OXR1: variants seen among roughly 807,000 people sequenced by gnomAD.
OXR1 encodes oxidation resistance 1.
A neutral mutation model predicts 104.6 loss-of-function variants in OXR1; 41 were observed. The observed-to-expected ratio is 0.39, with a 90% CI of 0.31 to 0.51. The LOEUF (loss-of-function observed/expected upper bound fraction) is 0.51, where lower values mean the gene tolerates loss of function less well. OXR1 is among the 20% of genes least tolerant of loss of function. The pLI is 0.77. For missense variants in OXR1, 955 were observed against 1,031.9 expected (o/e 0.93, Z 1.02); for synonymous variants, 348 against 348.4 (o/e 1.00, Z 0.01).
At chr8:106,700,764 A>C (rs1830518324) in intron 7 of OXR1, among the ~76,000 whole-genome samples, 2 of 152,202 alleles carry the variant, frequency 1.3e-5, no homozygotes, top group Non-Finnish European at 2.9e-5. Context: ...CTAAAAGATA[A>C]AATGTAGTAT....
chr8:106,707,030 C>T lies in OXR1; in HGVS notation c.1509C>T (p.Arg503=), dbSNP rs1831206667. Residue 503 remains arginine, a synonymous_variant, in exon 9 of 17, where the codon CGC becomes CGT. Coordinates refer to ENST00000517566, the MANE Select transcript of OXR1 (RefSeq NM_001198533.2). ...CACAGACAGAGGCAGAAGAGCTACG[C>T]AAACTTTGGAAAACCCATACTATGC... ...QDSQTEAEEL[R]KLWKTHTMQQ... The T allele has an allele frequency of 6.2e-7, 1 of 1,613,838 alleles. No homozygotes were observed. Among genetic ancestry groups the T allele is most frequent in the Non-Finnish European group, 8.5e-7 (1 of 1,179,908 alleles).
chr8:106,288,570 G>C (rs1812600413), intron 1 of OXR1, among the ~76,000 whole-genome samples: 1 of 141,080 alleles, frequency 7.1e-6, no homozygotes, highest in Non-Finnish European at 1.5e-5. Flanking sequence ...TATATATATG[G>C]TGTGTATATG....
intron 2 of OXR1, among the ~76,000 whole-genome samples, chr8:106,491,285 A>C (rs1022069472): frequency 3.3e-5 from 5 of 152,182 alleles, no homozygotes; most frequent in African/African-American, 1.2e-4. Flanking sequence ...TATTCCTCTC[A>C]ACAGTTTTTA....
chr8:106,750,319 C>CTTTCTTTTTTTT lies in OXR1; in HGVS notation c.2487-484_2487-483insCTTTTTTTTTTT, dbSNP rs1563773398. 2.9e-5 allele frequency among the ~76,000 whole-genome samples: 2 copies of CTTTCTTTTTTTT among 68,260 alleles called. 1 individual carries two copies. The highest frequency in any genetic ancestry group is 6.8e-5 in the Non-Finnish European group (2 of 29,594). 44.8% of individuals were successfully genotyped at this position (68,260 alleles called of 152,430 possible). A position where few individuals can be genotyped will look rare whatever the true frequency, so the allele number is the denominator to read the frequency against. ...ATAAATAATTTTTTTCTTTTCTTTT[C>CTTTCTTTTTTTT]TTTTCTTTTTTTTTTTTTTTTTTGA... On this transcript the variant is annotated intron_variant, in intron 16 of 16. Transcript: ENST00000517566.
intron 2 of OXR1, among the ~76,000 whole-genome samples, chr8:106,499,168 C>CA (rs71307063): frequency 0.034 from 258 of 7,634 alleles, 59 homozygotes; most frequent in African/African-American, 0.13. Flanking sequence ...GACTCCGTCT[C>CA]AAAAAAAAAA....
At chr8:106,736,781 T>C (rs1274264940) in intron 11 of OXR1, among the ~76,000 whole-genome samples, 3 of 151,946 alleles carry the variant, frequency 2.0e-5, no homozygotes, top group East Asian at 3.9e-4. Context: ...AAAGTTAAAA[T>C]GTAGGAAAGT....
chr8:106,633,060 C>G (rs1822827980), intron 3 of OXR1, among the ~76,000 whole-genome samples: 1 of 151,890 alleles, frequency 6.6e-6, no homozygotes, highest in East Asian at 1.9e-4. Flanking sequence ...ATGGTGAAAC[C>G]CTGTCTCTAC....
intron 7 of OXR1, among the ~76,000 whole-genome samples, chr8:106,700,720 A>T (rs189297886): frequency 6.6e-6 from 1 of 152,212 alleles, no homozygotes; most frequent in Non-Finnish European, 1.5e-5. Flanking sequence ...TCTGTCATAC[A>T]TAGCTAGTTA....
At chr8:106,371,037 T>G (rs1816684945) in intron 2 of OXR1, among the ~76,000 whole-genome samples, 1 of 152,036 alleles carries the variant, frequency 6.6e-6, no homozygotes, top group Admixed American at 6.5e-5. Flanking sequence ...TGGGCTTTTT[T>G]TTTTTGGTTG....
At chr8:106,274,057 C>T (rs1463687280) in intron 1 of OXR1, among the ~76,000 whole-genome samples, 2 of 152,096 alleles carry the variant, frequency 1.3e-5, no homozygotes, top group East Asian at 1.9e-4. Context: ...AAATGTTAGA[C>T]AAATATTTAT....
At chr8:106,427,093 T>G (rs1819160372) in intron 2 of OXR1, among the ~76,000 whole-genome samples, 1 of 152,184 alleles carries the variant, frequency 6.6e-6, no homozygotes, top group African/African-American at 2.4e-5. Flanking sequence ...GGGCAAAGCT[T>G]CTTAGAAGAC....
At chr8:106,657,844 C>T (rs1033929748) in intron 3 of OXR1, 11 of 1,238,732 alleles carry the variant, frequency 8.9e-6, no homozygotes, top group Non-Finnish European at 1.1e-5. Context: ...GACGCCCCCT[C>T]CTCCTCCCCG....
intron 2 of OXR1, among the ~76,000 whole-genome samples, chr8:106,510,493 G>T (rs1419678128): frequency 6.6e-6 from 1 of 152,218 alleles, no homozygotes; most frequent in African/African-American, 2.4e-5. Flanking sequence ...TTAAAGGTCA[G>T]TAAGAAATGC....
intron 3 of OXR1, among the ~76,000 whole-genome samples, chr8:106,571,100 A>G (rs889254103): frequency 1.3e-5 from 2 of 152,080 alleles, no homozygotes; most frequent in African/African-American, 4.8e-5. Flanking sequence ...CAAGAGGAAT[A>G]TATGCTAGGT....
chr8:106,652,385 C>A (rs1231186285), intron 3 of OXR1, among the ~76,000 whole-genome samples: 1 of 151,946 alleles, frequency 6.6e-6, no homozygotes, highest in African/African-American at 2.4e-5. Flanking sequence ...TAAAAAAACT[C>A]AATGATTTTG....
At chr8:106,581,011 G>T (rs754977171) in intron 3 of OXR1, 15 of 1,070,384 alleles carry the variant, frequency 1.4e-5, no homozygotes, top group Non-Finnish European at 1.7e-5. Context: ...AGCACTAAAA[G>T]CTTCTTAAAA....
At chr8:106,445,931 TG>T (rs1386903944) in intron 2 of OXR1, among the ~76,000 whole-genome samples, 1 of 152,186 alleles carries the variant, frequency 6.6e-6, no homozygotes, top group Admixed American at 6.5e-5. Context: ...GGGTTGGACA[TG>T]CTGATTAACA....
At chr8:106,355,692 T>A (rs182140706) in intron 1 of OXR1, among the ~76,000 whole-genome samples, 2 of 152,028 alleles carry the variant, frequency 1.3e-5, no homozygotes, top group East Asian at 3.9e-4. Flanking sequence ...AACATGTAAG[T>A]TTTTTTTCTT....
chr8:106,475,142 C>T (rs1156632214), intron 2 of OXR1, among the ~76,000 whole-genome samples: 2 of 151,918 alleles, frequency 1.3e-5, no homozygotes, highest in Non-Finnish European at 2.9e-5. Context: ...ATCTCCCACA[C>T]AGTCAAAATC....
Sources: gnomAD v4.1 joint callset for allele counts (sites outside exome capture counted in the v4.1 genomes callset) on GRCh38, gnomAD v4.1.1 for gene constraint, MANE v1.5 for transcripts, NCBI Gene and HGNC (gene_info 2026-07-23, HGNC 2026-07-21) for gene names.